The following ZZEF1 variants were observed in gnomAD, a reference collection of about 807,000 sequenced individuals.
ZZEF1 encodes zinc finger ZZ-type and EF-hand domain-containing protein 1.
A neutral mutation model predicts 342.8 loss-of-function variants in ZZEF1; 157 were observed. That is an observed-to-expected ratio of 0.46 (90% CI 0.40 to 0.52). The LOEUF (loss-of-function observed/expected upper bound fraction) is 0.52, where lower values mean the gene tolerates loss of function less well. Among genes scored for constraint, ZZEF1 ranks in the 20% least tolerant of loss-of-function variants. ZZEF1 has a pLI of 0.00. For synonymous variants in ZZEF1, 1,505 were observed against 1,429.1 expected (o/e 1.05, Z -1.20); for missense variants, 3,480 against 3,725.6 (o/e 0.93, Z 1.72).
At position 4,014,645 on chromosome 17, in the gene ZZEF1, GGAGTGCA is replaced by G; in HGVS notation, c.8146-137_8146-131del. On this transcript the variant is annotated intron_variant, in intron 49 of 54. Transcript: ENST00000381638. This position sits in a 1 kb window ranked among gnomAD's most constrained non-coding sequence, Gnocchi z 4.4. ...GAGTGAACCACAGCCCTGGCCTCCA[GGAGTGCA>G]GAGTCCAGCTAGGGCGAGGAGCATG... 8.5e-6 allele frequency: 8 copies of G among 938,250 alleles called. 1 individual carries two copies. The South Asian group carries it at 1.2e-4, about 14-fold the overall frequency. The allele number at this position is 938,250 out of a possible 1,614,324, so 58.1% of individuals were successfully genotyped here. A position where few individuals can be genotyped will look rare whatever the true frequency, so the allele number is the denominator to read the frequency against.
chr17:4,092,507 G>A (rs779138106), intron 11 of ZZEF1, among the ~76,000 whole-genome samples: 3 of 151,906 alleles, frequency 2.0e-5, no homozygotes, highest in Non-Finnish European at 4.4e-5. Flanking sequence ...CACCATCTTG[G>A]CCAGGCTGGT....
intron 39 of ZZEF1, among the ~76,000 whole-genome samples, chr17:4,041,473 C>T (rs919181985): frequency 1.3e-5 from 2 of 152,148 alleles, no homozygotes; most frequent in Non-Finnish European, 1.5e-5. Context: ...ACCTTGGGTC[C>T]CGCGGGCACC....
rs911509271 is a variant in ZZEF1, at chr17:4,072,542, C to G, written c.3834+66G>C. On this transcript the variant is annotated intron_variant, in intron 25 of 54. Transcript: ENST00000381638. ...AAGATAGAAACACAAGTGTTTATAACTTAAAGTAATAAATACTTGCAGGCA... is the reference window on the plus strand; with the variant it reads ...AAGATAGAAACACAAGTGTTTATAAGTTAAAGTAATAAATACTTGCAGGCA... 6.6e-6 allele frequency: 10 copies of G among 1,509,290 alleles called. No individual in the cohort carries two copies. The African/African-American group carries it at 1.4e-4, about 21-fold the overall frequency. The allele number at this position is 1,509,290 out of a possible 1,614,324, so 93.5% of individuals were successfully genotyped here. A position where few individuals can be genotyped will look rare whatever the true frequency, so the allele number is the denominator to read the frequency against.
chr17:4,121,555 G>C (rs2058483337), intron 2 of ZZEF1, among the ~76,000 whole-genome samples: 1 of 152,164 alleles, frequency 6.6e-6, no homozygotes, highest in South Asian at 2.1e-4. Context: ...GAACCCAGGA[G>C]GTGGAGGCTG....
intron 39 of ZZEF1, among the ~76,000 whole-genome samples, chr17:4,041,846 C>T (rs2056809829): frequency 6.6e-6 from 1 of 151,788 alleles, no homozygotes; most frequent in African/African-American, 2.4e-5. Flanking sequence ...GTCAGCATGA[C>T]ATCTAAATAC....
At chr17:4,010,833 A>C (rs978870026) in intron 52 of ZZEF1, among the ~76,000 whole-genome samples, 2 of 152,162 alleles carry the variant, frequency 1.3e-5, no homozygotes, top group Non-Finnish European at 2.9e-5. Context: ...ATGCATAAGA[A>C]AAACAACAGT....
chr17:4,091,007 T>C (rs535554292), intron 11 of ZZEF1, among the ~76,000 whole-genome samples, 177 bp from the exon 12 acceptor site: 15 of 152,370 alleles, frequency 9.8e-5, no homozygotes, highest in Non-Finnish European at 1.5e-4. Flanking sequence ...TAGTATTGCC[T>C]TTCCATTGCT....
chr17:4,060,325 G>T (rs1227037785), intron 30 of ZZEF1, among the ~76,000 whole-genome samples: 2 of 152,120 alleles, frequency 1.3e-5, no homozygotes, highest in African/African-American at 4.8e-5. Context: ...ATCACTTAGG[G>T]AGGCTGAGCC....
At chr17:4,128,207 G>A (rs2058603108) in intron 1 of ZZEF1, among the ~76,000 whole-genome samples, 1 of 151,948 alleles carries the variant, frequency 6.6e-6, no homozygotes, top group African/African-American at 2.4e-5. Flanking sequence ...AATTAGCTGG[G>A]TGTGGTGGCG....
chr17:4,027,150 G>C (rs1187329548), intron 42 of ZZEF1, among the ~76,000 whole-genome samples: 1 of 151,812 alleles, frequency 6.6e-6, no homozygotes, highest in Non-Finnish European at 1.5e-5. Context: ...TGTTTTTTAG[G>C]GGGTGGTAGA....
Position 4,085,118 on chromosome 17 carries a change from A to G in ZZEF1, c.2646+552T>C, listed in dbSNP as rs187159420. Reference sequence around the variant, plus strand: ...CAGAACAAGAACCTATCTAAAAACAAACAAACAAAAAAACTTGGTGGTATT... The same window carrying G: ...CAGAACAAGAACCTATCTAAAAACAGACAAACAAAAAAACTTGGTGGTATT... On this transcript the variant is annotated intron_variant, in intron 16 of 54. Transcript: ENST00000381638. Among the ~76,000 whole-genome samples the G allele has an allele frequency of 1.7e-3, 259 of 152,326 alleles. 1 individual carries two copies. Among genetic ancestry groups the G allele is most frequent in the Middle Eastern group, 0.01 (3 of 294 alleles).
intron 39 of ZZEF1, 144 bp downstream of exon 39, chr17:4,042,285 G>T: frequency 1.3e-6 from 1 of 792,290 alleles, no homozygotes. Context: ...AATATAGGAA[G>T]GGTCAGAAGA....
At chr17:4,109,951 C>A in intron 5 of ZZEF1, 88 bp from the exon 6 acceptor site, 1 of 1,287,876 alleles carries the variant, frequency 7.8e-7, no homozygotes. Context: ...TAGTAATAGA[C>A]ATTTTGAAAA....
At position 4,034,179 on chromosome 17, in the gene ZZEF1, G is replaced by C. The variant is rs114782080; in HGVS notation, c.6420C>G (p.Leu2140=). Residue 2140 remains leucine, a synonymous_variant, in exon 40 of 55, where the codon CTC becomes CTG. Transcript: ENST00000381638. ...NETYHLTLGL[L]GQLIIRLLPA... ...GCAAAAGACGGATAATTAACTGGCCGAGAAGACCCAGGGTGAGATGGTAGG... is the reference window on the plus strand; with the variant it reads ...GCAAAAGACGGATAATTAACTGGCCCAGAAGACCCAGGGTGAGATGGTAGG... 1.2e-6 allele frequency: 2 copies of C among 1,614,146 alleles called. No homozygotes were observed. The highest frequency in any genetic ancestry group is 1.7e-6 in the Non-Finnish European group (2 of 1,180,034).
intron 1 of ZZEF1, among the ~76,000 whole-genome samples, chr17:4,137,355 A>G (rs533626985): frequency 1.3e-5 from 2 of 152,346 alleles, no homozygotes; most frequent in Admixed American, 6.5e-5. Flanking sequence ...TCATGCCTGT[A>G]ATCCCAGCAC....
At chr17:4,085,559 A>C in intron 16 of ZZEF1, 111 bp downstream of exon 16, 1 of 1,335,358 alleles carries the variant, frequency 7.5e-7, no homozygotes, top group Non-Finnish European at 1.0e-6. Flanking sequence ...ATATAATATT[A>C]ATACACATCT....
chr17:4,025,681 C>CAA (rs11345281), intron 42 of ZZEF1, among the ~76,000 whole-genome samples: 3 of 127,296 alleles, frequency 2.4e-5, no homozygotes, highest in African/African-American at 2.8e-5. Flanking sequence ...GACTCCGTCT[C>CAA]AAAAAAAAAA....
chr17:4,113,313 TAGC>T (rs1351381228), intron 4 of ZZEF1, among the ~76,000 whole-genome samples: 1 of 152,190 alleles, frequency 6.6e-6, no homozygotes, highest in Admixed American at 6.5e-5. Context: ...TTATTATCAT[TAGC>T]TCCACTCCAG....
intron 43 of ZZEF1, among the ~76,000 whole-genome samples, chr17:4,024,214 T>TTTTTTTTTC (rs1861906932): frequency 1.4e-5 from 2 of 147,574 alleles, no homozygotes. Flanking sequence ...TTTTTTTTTT[T>TTTTTTTTTC]ACAGAGGGAG....
Sources: gnomAD v4.1 joint callset for allele counts (sites outside exome capture counted in the v4.1 genomes callset) on GRCh38, gnomAD v4.1.1 for gene constraint, Gnocchi (gnomAD v3.1) non-coding constraint, MANE v1.5 for transcripts, NCBI Gene and HGNC (gene_info 2026-07-23, HGNC 2026-07-21) for gene names.